The following ZNF469 variants were observed in gnomAD, a reference collection of about 807,000 sequenced individuals.
The protein encoded by ZNF469 is zinc finger protein 469.
ZNF469 carries 1 observed loss-of-function variant against 1.0 expected under a neutral mutation model. The observed-to-expected ratio is 1.00, with a 90% confidence interval of 0.35 to 4.73. The LOEUF is 4.73. Ranked by LOEUF, ZNF469 falls within the 30% of genes most tolerant of loss-of-function variation. The pLI is 0.16. For synonymous variants in ZNF469, 2,703 were observed against 2,363.4 expected (o/e 1.14, Z -4.17); for missense variants, 6,100 against 5,356.3 (o/e 1.14, Z -4.33).
At chr16:88,100,943 C>T in the ZNF469 span, 4 of 283,314 alleles carry the variant, frequency 1.4e-5, no homozygotes, top group East Asian at 1.5e-4. Flanking sequence ...TGCGCAGAGA[C>T]GCAGCCCCAA....
chr16:88,308,855 C>A, the ZNF469 span, among the ~76,000 whole-genome samples: 1 of 152,184 alleles, frequency 6.6e-6, no homozygotes, highest in Non-Finnish European at 1.5e-5. Flanking sequence ...TTGTGGGGAG[C>A]AGGACTGACC....
chr16:88,353,055 G>A, the ZNF469 span, among the ~76,000 whole-genome samples: 2 of 152,186 alleles, frequency 1.3e-5, no homozygotes, highest in East Asian at 1.9e-4. Flanking sequence ...GGCAGGGAGA[G>A]ACCAGGCTCA....
chr16:88,387,955 G>T (rs1432384152), intron 1 of ZNF469, among the ~76,000 whole-genome samples: 2 of 152,238 alleles, frequency 1.3e-5, no homozygotes, highest in Non-Finnish European at 1.5e-5. Context: ...AGAGCTCTGG[G>T]GCCAAGCTTC....
chr16:88,136,666 G>A, the ZNF469 span, among the ~76,000 whole-genome samples: 1 of 152,250 alleles, frequency 6.6e-6, no homozygotes, highest in Non-Finnish European at 1.5e-5. Context: ...CCTGAACGAT[G>A]GACGTCTGAT....
At chr16:88,285,655 G>A in the ZNF469 span, among the ~76,000 whole-genome samples, 8 of 152,260 alleles carry the variant, frequency 5.3e-5, no homozygotes, top group African/African-American at 9.6e-5. Flanking sequence ...CGCTGGAAGC[G>A]TCGGCACGGT....
chr16:88,220,093 A>T, the ZNF469 span, among the ~76,000 whole-genome samples: 1 of 152,162 alleles, frequency 6.6e-6, no homozygotes, highest in African/African-American at 2.4e-5. Flanking sequence ...TTTGTGTCCA[A>T]TAGAGTTTTT....
the ZNF469 span, among the ~76,000 whole-genome samples, chr16:88,132,247 C>G: frequency 6.6e-6 from 1 of 152,388 alleles, no homozygotes; most frequent in African/African-American, 2.4e-5. Flanking sequence ...GCCCGCCTTC[C>G]TGCACCCAGG....
At chr16:88,154,125 G>T in the ZNF469 span, among the ~76,000 whole-genome samples, 2 of 152,210 alleles carry the variant, frequency 1.3e-5, no homozygotes, top group Admixed American at 1.3e-4. Context: ...AAGCCTTCAT[G>T]CTTTTCTAAG....
At chr16:88,341,023 C>G in the ZNF469 span, among the ~76,000 whole-genome samples, 1 of 152,178 alleles carries the variant, frequency 6.6e-6, no homozygotes, top group Non-Finnish European at 1.5e-5. Context: ...TCGCAGAGCT[C>G]CTGGCCCCCT....
In ZNF469 at chr16:88,436,972, G is replaced by C. The variant is rs1026015169; in HGVS notation, c.9502G>C (p.Ala3168Pro). Residue 3168 changes from alanine to proline, a missense_variant, in exon 3 of 3, where the codon GCG becomes CCG. Ala to Pro is a conservative substitution (Grantham distance 27). Transcript: ENST00000565624. Reference protein sequence around the residue: ...LLRGHLQERHAQSKAGPWACG... With the variant: ...LLRGHLQERHPQSKAGPWACG... ...GCGGGGGCACCTGCAGGAGAGGCAC[G>C]CGCAGAGCAAGGCCGGGCCCTGGGC... is the stretch of plus-strand genomic sequence containing the variant. 4 of 1,508,954 alleles carry C rather than the reference G, an allele frequency of 2.7e-6. No homozygotes were observed. The highest frequency in any genetic ancestry group is 3.5e-6 in the Non-Finnish European group (4 of 1,130,564). The allele number at this position is 1,508,954 out of a possible 1,614,324, so 93.5% of individuals were successfully genotyped here.
chr16:88,286,119 G>A, the ZNF469 span, among the ~76,000 whole-genome samples: 29 of 152,354 alleles, frequency 1.9e-4, no homozygotes, highest in African/African-American at 7.0e-4. Flanking sequence ...TTCCCCTGTT[G>A]GGAACTGCCT....
rs975162402 is a variant in ZNF469, at chr16:88,434,232, G to T, written c.6762G>T (p.Glu2254Asp). The T allele has an allele frequency of 5.2e-6, 8 of 1,550,262 alleles. No individual in the cohort carries two copies. In the African/African-American group the frequency reaches 8.2e-5, roughly 16 times the overall value. Reference sequence around the variant, plus strand: ...AAGACAGCACTTTAAGAATTCCAGAGGATTCCAGAAAAGAGAAGCTGTGGG... The same window carrying T: ...AAGACAGCACTTTAAGAATTCCAGATGATTCCAGAAAAGAGAAGCTGTGGG... ...TPKDSTLRIP[E>D]DSRKEKLWES... The change falls in exon 3 of 3, where the codon GAG (glutamate) becomes GAT (aspartate). Residue 2254 changes from glutamate to aspartate, a missense_variant. Glu to Asp is a conservative substitution (Grantham distance 45). Transcript: ENST00000565624.
At chr16:88,192,976 A>ATGG in the ZNF469 span, among the ~76,000 whole-genome samples, 1 of 127,698 alleles carries the variant, frequency 7.8e-6, no homozygotes, top group Non-Finnish European at 1.7e-5. Flanking sequence ...GATGGTAGTG[A>ATGG]TGGTGGTGGT....
At chr16:88,186,637 G>A in the ZNF469 span, among the ~76,000 whole-genome samples, 4 of 152,090 alleles carry the variant, frequency 2.6e-5, no homozygotes, top group East Asian at 5.8e-4. Flanking sequence ...AAAGCGCAGC[G>A]GGCCCACCTC....
the ZNF469 span, among the ~76,000 whole-genome samples, chr16:88,117,562 A>C: frequency 6.6e-6 from 1 of 152,138 alleles, no homozygotes; most frequent in Non-Finnish European, 1.5e-5. Flanking sequence ...TGGAAGTGTC[A>C]CGTGCCTTCA....
the ZNF469 span, among the ~76,000 whole-genome samples, chr16:88,181,657 T>A: frequency 2.8e-4 from 43 of 152,352 alleles, no homozygotes; most frequent in African/African-American, 1.0e-3. Flanking sequence ...GGCAAGGCAG[T>A]GCTTGGAAGA....
In ZNF469 at chr16:88,436,210, G is replaced by A. The variant is rs768452919; in HGVS notation, c.8740G>A (p.Asp2914Asn). 1.4e-5 allele frequency: 22 copies of A among 1,548,376 alleles called. No individual in the cohort carries two copies. Among genetic ancestry groups the A allele is most frequent in the South Asian group, 3.6e-5 (3 of 84,020 alleles). The change falls in exon 3 of 3, where the codon GAC (aspartate) becomes AAC (asparagine). Residue 2914 changes from aspartate (D) to asparagine (N), a missense_variant. By Grantham distance (23) the Asp-to-Asn change is conservative. Coordinates refer to ENST00000565624, the MANE Select transcript of ZNF469 (RefSeq NM_001367624.2). Reference sequence around the variant, plus strand: ...AGCCCGCCTGCCCACGGACCTCAGCGACTCCAGCTCCCTCTGCCTCTGCCA... The same window carrying A: ...AGCCCGCCTGCCCACGGACCTCAGCAACTCCAGCTCCCTCTGCCTCTGCCA... ...GPARLPTDLSDSSSLCLCHED... is the reference protein window; with the variant it reads ...GPARLPTDLSNSSSLCLCHED...
the ZNF469 span, among the ~76,000 whole-genome samples, chr16:88,119,660 A>G: frequency 2.1e-4 from 32 of 152,282 alleles, no homozygotes; most frequent in East Asian, 6.0e-3. Context: ...TACCGGGTCC[A>G]GCCGTTTGGG....
At chr16:88,135,783 T>C in the ZNF469 span, among the ~76,000 whole-genome samples, 3 of 123,382 alleles carry the variant, frequency 2.4e-5, no homozygotes, top group African/African-American at 9.3e-5. Context: ...TTTTTTGGGA[T>C]GGAGTCTCGC....
Sources: allele counts gnomAD v4.1 joint callset (sites outside exome capture counted in the v4.1 genomes callset), GRCh38; gene constraint gnomAD v4.1.1; transcripts MANE v1.5; gene names NCBI Gene and HGNC (gene_info 2026-07-23, HGNC 2026-07-21).